Variants in ARHGEF3 observed in about 807,000 individuals in gnomAD.
ARHGEF3 encodes 59.8 kDA protein.
ARHGEF3 carries 28 observed loss-of-function variants against 63.2 expected under a neutral mutation model. The ratio of observed to expected loss-of-function variants is 0.44; its 90% CI spans 0.33 to 0.61. The LOEUF (loss-of-function observed/expected upper bound fraction) is 0.61, where lower values mean the gene tolerates loss of function less well. Ranked by LOEUF, ARHGEF3 falls within the 20% of genes least tolerant of loss-of-function variation. ARHGEF3 has a pLI of 0.03. For synonymous variants in ARHGEF3, 266 were observed against 254.2 expected (o/e 1.05, Z -0.44); for missense variants, 533 against 659.3 (o/e 0.81, Z 2.10).
intron 4 of ARHGEF3, among the ~76,000 whole-genome samples, chr3:56,873,818 C>A (rs897689802): frequency 1.3e-5 from 2 of 152,158 alleles, no homozygotes; most frequent in Non-Finnish European, 2.9e-5. Context: ...CTCTAACCTC[C>A]TGAAGTTTGT....
intron 1 of ARHGEF3, among the ~76,000 whole-genome samples, chr3:56,797,034 G>T (rs2037404400): frequency 6.6e-6 from 1 of 151,826 alleles, no homozygotes; most frequent in Non-Finnish European, 1.5e-5. Flanking sequence ...GACATTTTTT[G>T]AGCACTTACG....
chr3:57,079,261 G>GAAAACTCACCGCGGCGGCGGCGGCTGC, exon 1 of ARHGEF3: 1 of 346,594 alleles, frequency 2.9e-6, no homozygotes, highest in Non-Finnish European at 5.1e-6. Flanking sequence ...CTCCAGGCTG[G>GAAAACTCACCGCGGCGGCGGCGGCTGC]AAAACTCACC....
chr3:56,916,644 A>G (rs192658529), intron 3 of ARHGEF3, among the ~76,000 whole-genome samples: 81 of 152,318 alleles, frequency 5.3e-4, no homozygotes, highest in Non-Finnish European at 9.4e-4. Context: ...TAAGAGACAA[A>G]CAGTGCTCAC....
intron 1 of ARHGEF3, 111 bp downstream of exon 1, chr3:56,801,592 G>A: frequency 7.3e-7 from 1 of 1,363,894 alleles, no homozygotes; most frequent in Non-Finnish European, 9.9e-7. Flanking sequence ...CACGGAGAGT[G>A]AGAGATGGAA....
At chr3:57,019,844 AC>A (rs1268645404) in intron 2 of ARHGEF3, among the ~76,000 whole-genome samples, 1 of 152,086 alleles carries the variant, frequency 6.6e-6, no homozygotes, top group African/African-American at 2.4e-5. Flanking sequence ...TTAATAATCA[AC>A]CCTCAAGGTG....
chr3:57,073,579 T>C (rs1361444485), intron 1 of ARHGEF3: 26 of 1,448,704 alleles, frequency 1.8e-5, no homozygotes, highest in Non-Finnish European at 2.4e-5. Flanking sequence ...TGAAGGTGAA[T>C]TGGAACAGTG....
Position 56,882,354 on chromosome 3 carries a change from G to A in ARHGEF3, c.130C>T (p.Arg44Ter), listed in dbSNP as rs977816031. Residue 44 changes from arginine to a stop codon, truncating the protein, a stop_gained and splice_region_variant, in exon 4 of 13, where the codon CGA becomes TGA. Transcript: ENST00000338458. LOFTEE classifies it high-confidence loss of function. ...TCTTGGGTGCTCTGTTTCCGTTTTCGCTGCAAAACAAACGAAAAAACAAAG... is the reference window on the plus strand; with the variant it reads ...TCTTGGGTGCTCTGTTTCCGTTTTCACTGCAAAACAAACGAAAAAACAAAG... 13 of 1,551,412 alleles carry A rather than the reference G, an allele frequency of 8.4e-6. No homozygotes were observed. Among genetic ancestry groups the A allele is most frequent in the African/African-American group, 2.7e-5 (2 of 72,908 alleles).
chr3:56,970,745 G>A (rs1700874188), intron 2 of ARHGEF3, among the ~76,000 whole-genome samples: 3 of 152,236 alleles, frequency 2.0e-5, no homozygotes, highest in Non-Finnish European at 4.4e-5. Context: ...TCTCCCAGAA[G>A]GAGAACTGCA....
intron 1 of ARHGEF3, among the ~76,000 whole-genome samples, chr3:57,069,725 G>A (rs1705777998): frequency 6.6e-6 from 1 of 152,172 alleles, no homozygotes; most frequent in South Asian, 2.1e-4. Flanking sequence ...GCTCATTGCA[G>A]CGTCAAACAA....
intron 2 of ARHGEF3, among the ~76,000 whole-genome samples, chr3:57,002,978 TGGC>T (rs1280405340): frequency 1.9e-4 from 29 of 151,590 alleles, no homozygotes; most frequent in Non-Finnish European, 4.0e-4. Context: ...TTCATCATGT[TGGC>T]CAGGCTCCGT....
At chr3:56,886,405 G>A (rs776079345) in intron 3 of ARHGEF3, among the ~76,000 whole-genome samples, 11 of 152,164 alleles carry the variant, frequency 7.2e-5, no homozygotes, top group Non-Finnish European at 1.3e-4. Context: ...GAAAGGACCT[G>A]GTGAAGAAGG....
chr3:56,895,727 T>C (rs576291628), intron 3 of ARHGEF3, among the ~76,000 whole-genome samples: 23 of 152,236 alleles, frequency 1.5e-4, no homozygotes, highest in African/African-American at 5.1e-4. Flanking sequence ...CCTCCCAAAG[T>C]GCTGGGATTA....
chr3:56,733,678 C>T (rs1303705826), intron 8 of ARHGEF3, among the ~76,000 whole-genome samples: 1 of 151,818 alleles, frequency 6.6e-6, no homozygotes, highest in Non-Finnish European at 1.5e-5. Context: ...AGTATGCTGC[C>T]ACAGCCACAA....
At chr3:56,795,667 T>TTTTTTTTTG (rs1172001314) in intron 1 of ARHGEF3, among the ~76,000 whole-genome samples, 2 of 150,988 alleles carry the variant, frequency 1.3e-5, no homozygotes, top group Non-Finnish European at 2.9e-5. Context: ...TTTTTTTTTT[T>TTTTTTTTTG]GAAGATGGAC....
At chr3:57,045,953 C>T (rs1005047111) in intron 1 of ARHGEF3, among the ~76,000 whole-genome samples, 3 of 152,160 alleles carry the variant, frequency 2.0e-5, no homozygotes, top group Non-Finnish European at 1.5e-5. Context: ...TGGTTTGTCT[C>T]GTTATCATTC....
intron 3 of ARHGEF3, among the ~76,000 whole-genome samples, chr3:56,885,465 T>C (rs1447075276): frequency 6.6e-6 from 1 of 152,086 alleles, no homozygotes. Context: ...ATTATTGAGT[T>C]TTATGGTGCT....
chr3:56,741,359 A>C (rs1450817000), intron 7 of ARHGEF3, among the ~76,000 whole-genome samples: 1 of 146,962 alleles, frequency 6.8e-6, no homozygotes, highest in Non-Finnish European at 1.5e-5. Context: ...CTAATTTTGT[A>C]TTTTTAGTAG....
At chr3:56,832,750 C>T (rs901253042) in intron 4 of ARHGEF3, among the ~76,000 whole-genome samples, 4 of 152,136 alleles carry the variant, frequency 2.6e-5, no homozygotes, top group African/African-American at 9.7e-5. Flanking sequence ...AAAAAGAAAC[C>T]CTGTATCTCC....
chr3:56,934,251 C>G (rs557434062), intron 3 of ARHGEF3, among the ~76,000 whole-genome samples: 3 of 152,352 alleles, frequency 2.0e-5, no homozygotes, highest in African/African-American at 7.2e-5. Context: ...GTAGTAGTAG[C>G]AGGGATGGAG....
Sources: gnomAD v4.1 joint callset for allele counts (sites outside exome capture counted in the v4.1 genomes callset) on GRCh38, gnomAD v4.1.1 for gene constraint, MANE v1.5 for transcripts, NCBI Gene and HGNC (gene_info 2026-07-23, HGNC 2026-07-21) for gene names.